Variants in PRICKLE2 observed in about 807,000 individuals in gnomAD.
PRICKLE2 encodes the protein prickle planar cell polarity protein 2, also known as prickle-like protein 2.
A neutral mutation model predicts 81.4 loss-of-function variants in PRICKLE2; 21 were observed. The observed-to-expected ratio is 0.26, with a 90% CI of 0.18 to 0.37. The LOEUF (loss-of-function observed/expected upper bound fraction) is 0.37, where lower values mean the gene tolerates loss of function less well. Ranked by LOEUF, PRICKLE2 falls within the 10% of genes least tolerant of loss-of-function variation. PRICKLE2 has a pLI of 1.00. For synonymous variants in PRICKLE2, 456 were observed against 421.5 expected, an observed-to-expected ratio of 1.08 and a Z score of -1.00; for missense variants, 940 against 1,109.0, an observed-to-expected ratio of 0.85 and a Z score of 2.16.
intron 7 of PRICKLE2, among the ~76,000 whole-genome samples, chr3:64,130,677 T>A (rs556275306): frequency 2.6e-5 from 4 of 152,346 alleles, no homozygotes; most frequent in African/African-American, 9.6e-5. Flanking sequence ...AGGCACCTGA[T>A]GAAGAATTTA....
At chr3:64,232,176 A>T (rs1279840949) in intron 2 of PRICKLE2, among the ~76,000 whole-genome samples, 2 of 152,094 alleles carry the variant, frequency 1.3e-5, no homozygotes, top group African/African-American at 2.4e-5. Context: ...AGTTATGATG[A>T]TCCATCCTTG....
intron 2 of PRICKLE2, among the ~76,000 whole-genome samples, chr3:64,248,032 G>A (rs558375772): frequency 9.9e-5 from 15 of 152,216 alleles, no homozygotes; most frequent in Non-Finnish European, 2.1e-4. Context: ...CCAACCATCC[G>A]CTATAAAACT....
At chr3:64,195,193 A>G (rs1368981119) in intron 2 of PRICKLE2, among the ~76,000 whole-genome samples, 2 of 152,230 alleles carry the variant, frequency 1.3e-5, no homozygotes, top group East Asian at 3.8e-4. Flanking sequence ...TTTTCAGTTC[A>G]GTCATTAGAG....
intron 2 of PRICKLE2, among the ~76,000 whole-genome samples, chr3:64,177,187 A>C (rs928778126): frequency 8.6e-6 from 1 of 116,652 alleles, no homozygotes; most frequent in Non-Finnish European, 1.6e-5. Flanking sequence ...CCAGGCTGGA[A>C]TGCAATGGCG....
upstream of PRICKLE2, among the ~76,000 whole-genome samples, chr3:64,226,638 A>G (rs1294447962): frequency 6.6e-6 from 1 of 152,198 alleles, no homozygotes; most frequent in Non-Finnish European, 1.5e-5. Flanking sequence ...CTCAATAGCT[A>G]TTTCTGATAT....
chr3:64,116,234 A>C (rs1424339121), intron 7 of PRICKLE2, among the ~76,000 whole-genome samples: 3 of 152,208 alleles, frequency 2.0e-5, no homozygotes, highest in African/African-American at 7.2e-5. Flanking sequence ...AAATGTTCAC[A>C]TCAAAAAGTT....
At chr3:64,162,328 C>G (rs1410153167) in intron 3 of PRICKLE2, among the ~76,000 whole-genome samples, 1 of 152,120 alleles carries the variant, frequency 6.6e-6, no homozygotes, top group Non-Finnish European at 1.5e-5. Context: ...TGTAAACTGA[C>G]TTCCCTTCCA....
intron 7 of PRICKLE2, among the ~76,000 whole-genome samples, chr3:64,129,766 T>C (rs1049948606): frequency 6.6e-6 from 1 of 152,100 alleles, no homozygotes; most frequent in Non-Finnish European, 1.5e-5. Flanking sequence ...AAGGGCTGTG[T>C]CCTGGCTGCT....
intron 7 of PRICKLE2, among the ~76,000 whole-genome samples, chr3:64,127,350 A>T (rs894967083): frequency 3.3e-5 from 5 of 151,628 alleles, no homozygotes; most frequent in African/African-American, 1.2e-4. Context: ...GTCCACGGTC[A>T]CTCTCCCTCC....
intron 2 of PRICKLE2, among the ~76,000 whole-genome samples, chr3:64,172,832 T>C (rs1008981177): frequency 6.6e-6 from 1 of 152,132 alleles, no homozygotes; most frequent in African/African-American, 2.4e-5. Context: ...CTGGTGTCCT[T>C]GTAAGAAGAG....
chr3:64,241,998 G>A (rs1043008977), intron 2 of PRICKLE2, among the ~76,000 whole-genome samples: 1 of 152,170 alleles, frequency 6.6e-6, no homozygotes, highest in Non-Finnish European at 1.5e-5. Context: ...GATCGTGGAG[G>A]AGAAATCCCT....
Position 64,099,227 on chromosome 3 carries a change from C to T in PRICKLE2, c.2359G>A (p.Glu787Lys). The T allele has an allele frequency of 6.2e-7, 1 of 1,614,146 alleles. No individual in the cohort carries two copies. The change falls in exon 8 of 8, where the codon GAG becomes AAG. Residue 787 changes from glutamate (E) to lysine (K), a missense_variant. Glu to Lys is a moderately conservative substitution (Grantham distance 56). Transcript: ENST00000638394. This position sits in a 1 kb window ranked among gnomAD's most constrained non-coding sequence, Gnocchi z 4.3. ...ATGGGTTCTCCTAGGAAATAGCCCT[C>T]GTTGTCAGACTCTGAAGAGGAGGAG... is the stretch of plus-strand genomic sequence containing the variant. ...TCSSSSESDN[E>K]GYFLGEPIPQ...
intron 2 of PRICKLE2, among the ~76,000 whole-genome samples, chr3:64,170,725 A>AC (rs1491233034): frequency 1.1e-4 from 17 of 149,146 alleles, no homozygotes; most frequent in South Asian, 8.6e-4. Context: ...AAAAAAAAAA[A>AC]CAGCCTGGCT....
At chr3:64,171,354 A>C (rs1051417219) in intron 2 of PRICKLE2, among the ~76,000 whole-genome samples, 1 of 152,196 alleles carries the variant, frequency 6.6e-6, no homozygotes, top group African/African-American at 2.4e-5. Flanking sequence ...CTGCTTTGGC[A>C]CATATAGTGG....
intron 7 of PRICKLE2, among the ~76,000 whole-genome samples, chr3:64,128,454 A>G (rs2077145444): frequency 1.3e-5 from 2 of 152,168 alleles, no homozygotes; most frequent in African/African-American, 4.8e-5. Flanking sequence ...GGGCAATTTA[A>G]AAAGCGTATT....
chr3:64,236,575 T>G (rs1313192546), intron 2 of PRICKLE2, among the ~76,000 whole-genome samples: 1 of 152,250 alleles, frequency 6.6e-6, no homozygotes, highest in Non-Finnish European at 1.5e-5. Flanking sequence ...CTAGCTCTGT[T>G]CCTTCTAATC....
intron 7 of PRICKLE2, chr3:64,146,414 A>G: frequency 4.4e-6 from 1 of 227,890 alleles, no homozygotes; most frequent in Non-Finnish European, 8.9e-6. Context: ...TCAGCAGCCT[A>G]TTAGAAGAGG....
At chr3:64,187,963 A>G (rs1412914671) in intron 2 of PRICKLE2, among the ~76,000 whole-genome samples, 2 of 152,220 alleles carry the variant, frequency 1.3e-5, no homozygotes. Context: ...GGCCAATGAA[A>G]GACTTTTAAA....
intron 7 of PRICKLE2, among the ~76,000 whole-genome samples, chr3:64,107,560 T>C (rs2076776036): frequency 6.6e-6 from 1 of 152,080 alleles, no homozygotes; most frequent in African/African-American, 2.4e-5. Flanking sequence ...AAAGATACAT[T>C]ACCAGGCACG....
Sources: gnomAD v4.1 joint callset for allele counts (sites outside exome capture counted in the v4.1 genomes callset) on GRCh38, gnomAD v4.1.1 for gene constraint, Gnocchi (gnomAD v3.1) non-coding constraint, MANE v1.5 for transcripts, NCBI Gene and HGNC (gene_info 2026-07-23, HGNC 2026-07-21) for gene names.